OTOGL: variants seen among roughly 807,000 people sequenced by gnomAD.
OTOGL encodes otogelin like.
A neutral mutation model predicts 318.5 loss-of-function variants in OTOGL; 285 were observed. That is an observed-to-expected ratio of 0.89 (90% CI 0.81 to 0.99). OTOGL has a LOEUF of 0.99. Ranked by LOEUF, OTOGL falls within the 50% of genes least tolerant of loss-of-function variation. The probability of loss-of-function intolerance (pLI) is 0.00; values close to 1 mark genes in which losing one functional copy is unlikely to be tolerated. For missense variants in OTOGL, 2,899 were observed against 2,845.6 expected, an observed-to-expected ratio of 1.02 and a Z score of -0.43; for synonymous variants, 987 against 936.5, an observed-to-expected ratio of 1.05 and a Z score of -0.99.
chr12:80,344,159 G>A (rs1175982494), intron 44 of OTOGL, among the ~76,000 whole-genome samples: 1 of 152,164 alleles, frequency 6.6e-6, no homozygotes, highest in East Asian at 1.9e-4. Context: ...TAAAATGCAT[G>A]CACATAAACA....
intron 1 of OTOGL, among the ~76,000 whole-genome samples, chr12:80,142,158 C>A (rs1399645650): frequency 6.6e-6 from 1 of 152,058 alleles, no homozygotes; most frequent in Non-Finnish European, 1.5e-5. Context: ...TCAGCATTGT[C>A]CAATAAAAAC....
rs766814105 is a variant in OTOGL at position 80,310,736 on chromosome 12, ATACTT to A, written c.3450+12_3450+16del. The stretch of plus-strand genomic sequence containing the variant: ...CTTCTTGTCGCAATGTGGTAAATGA[ATACTT>A]TAATGAACTCTCGAGTTTCAATATG... On this transcript the variant is annotated intron_variant, in intron 30 of 58. Coordinates refer to ENST00000547103, the MANE Select transcript of OTOGL (RefSeq NM_001378609.3). The A allele has an allele frequency of 5.0e-5, 77 of 1,529,022 alleles. No individual in the cohort carries two copies. The Admixed American group carries it at 1.2e-3, about 24-fold the overall frequency. 94.7% of individuals were successfully genotyped at this position (1,529,022 alleles called of 1,614,324 possible).
intron 1 of OTOGL, among the ~76,000 whole-genome samples, chr12:80,135,277 CCCCTTCCCTT>C (rs767346954): frequency 4.3e-5 from 3 of 69,918 alleles, no homozygotes; most frequent in African/African-American, 1.4e-4. Flanking sequence ...CCCCTCCCCT[CCCCTTCCCTT>C]CCCTTGATGG....
At chr12:80,327,677 G>A (rs193170593) in intron 35 of OTOGL, among the ~76,000 whole-genome samples, 103 of 151,228 alleles carry the variant, frequency 6.8e-4, no homozygotes, top group Admixed American at 2.0e-3. Flanking sequence ...AGTGGAAAGC[G>A]GGCCGGGCAC....
At chr12:80,349,593 C>T (rs748571080) in intron 44 of OTOGL, among the ~76,000 whole-genome samples, 32 of 151,976 alleles carry the variant, frequency 2.1e-4, no homozygotes, top group Non-Finnish European at 3.5e-4. Flanking sequence ...AGCAAGTGGA[C>T]GTGCTAATGG....
At chr12:80,296,470 C>T (rs1332329866) in intron 26 of OTOGL, among the ~76,000 whole-genome samples, 1 of 152,042 alleles carries the variant, frequency 6.6e-6, no homozygotes, top group Non-Finnish European at 1.5e-5. Flanking sequence ...AAACAAAAGA[C>T]ATATCTCAAA....
intron 27 of OTOGL, among the ~76,000 whole-genome samples, chr12:80,299,847 T>C (rs1885644837): frequency 1.3e-5 from 2 of 152,188 alleles, no homozygotes; most frequent in Non-Finnish European, 2.9e-5. Context: ...ACTGTTCTAA[T>C]GAGAAGCATT....
intron 4 of OTOGL, 94 bp from the exon 5 acceptor site, chr12:80,217,504 G>A (rs917870914): frequency 4.8e-6 from 4 of 841,126 alleles, no homozygotes; most frequent in East Asian, 5.4e-5. Flanking sequence ...TATCATTTCT[G>A]TATTTGTAGT....
chr12:80,348,892 C>T (rs529929483), intron 44 of OTOGL, among the ~76,000 whole-genome samples: 67 of 152,234 alleles, frequency 4.4e-4, no homozygotes, highest in Non-Finnish European at 7.2e-4. Flanking sequence ...GGCTTCTCTT[C>T]ATCTTACTCA....
chr12:80,350,240 C>A (rs1261810297), intron 44 of OTOGL, among the ~76,000 whole-genome samples: 2 of 152,116 alleles, frequency 1.3e-5, no homozygotes, highest in Non-Finnish European at 1.5e-5. Flanking sequence ...GGATTTCATT[C>A]TTTTTAAAGT....
intron 1 of OTOGL, among the ~76,000 whole-genome samples, chr12:80,110,867 C>T (rs942060521): frequency 6.6e-6 from 1 of 152,204 alleles, no homozygotes; most frequent in African/African-American, 2.4e-5. Context: ...ACACTCCCAC[C>T]AACAGTGTAA....
At chr12:80,332,352 G>A (rs1157326152) in intron 37 of OTOGL, among the ~76,000 whole-genome samples, 1 of 152,156 alleles carries the variant, frequency 6.6e-6, no homozygotes, top group Non-Finnish European at 1.5e-5. Context: ...CGGGCACTGC[G>A]ATTATGGCTG....
chr12:80,358,642 A>G (rs1322808658), intron 50 of OTOGL, 29 bp from the exon 51 acceptor site: 4 of 1,516,004 alleles, frequency 2.6e-6, no homozygotes, highest in African/African-American at 1.4e-5. Context: ...TATAAAATTC[A>G]TCTTTACCCA....
chr12:80,318,821 G>T, intron 33 of OTOGL, 108 bp downstream of exon 33: 3 of 810,162 alleles, frequency 3.7e-6, no homozygotes, highest in Non-Finnish European at 5.0e-6. Context: ...TTTTTTAAAA[G>T]TGCTCTAAAG....
intron 1 of OTOGL, among the ~76,000 whole-genome samples, chr12:80,111,658 G>A (rs978430261): frequency 3.5e-4 from 53 of 152,194 alleles, no homozygotes; most frequent in Non-Finnish European, 1.2e-4. Flanking sequence ...CAGCCTTGTA[G>A]TGTAGTTTGA....
At position 80,356,048 on chromosome 12, in the gene OTOGL, A is replaced by C. The variant is rs534983907; in HGVS notation, c.5806+100A>C. On this transcript the variant is annotated intron_variant, in intron 47 of 58. Transcript: ENST00000547103. The stretch of plus-strand genomic sequence containing the variant: ...ATATAATGCTTTGTATTTTTAAAAA[A>C]GGGCCATAAATGTCATTTTCTCAAA... 1.4e-5 allele frequency: 18 copies of C among 1,298,916 alleles called. 1 individual carries two copies. The South Asian group carries it at 2.1e-4, about 15-fold the overall frequency. 80.5% of individuals were successfully genotyped at this position (1,298,916 alleles called of 1,614,324 possible). A position where few individuals can be genotyped will look rare whatever the true frequency, so the allele number is the denominator to read the frequency against.
At chr12:80,264,849 A>T (rs1351860113) in intron 19 of OTOGL, among the ~76,000 whole-genome samples, 152 bp from the exon 20 acceptor site, 5 of 151,518 alleles carry the variant, frequency 3.3e-5, no homozygotes, top group East Asian at 1.9e-4. Context: ...AATATTATAT[A>T]AAAAAAACAA....
At chr12:80,204,567 A>G (rs542540245) in intron 1 of OTOGL, among the ~76,000 whole-genome samples, 130 of 152,334 alleles carry the variant, frequency 8.5e-4, no homozygotes, top group African/African-American at 2.9e-3. Context: ...AAGAAAATAT[A>G]TAAAGTAACC....
intron 38 of OTOGL, among the ~76,000 whole-genome samples, chr12:80,334,740 T>C (rs1269343440): frequency 6.6e-6 from 1 of 152,156 alleles, no homozygotes; most frequent in Non-Finnish European, 1.5e-5. Context: ...GGTCTGAGAA[T>C]TGATCACTGG....
Sources: gnomAD v4.1 joint callset for allele counts (sites outside exome capture counted in the v4.1 genomes callset) on GRCh38, gnomAD v4.1.1 for gene constraint, MANE v1.5 for transcripts, NCBI Gene and HGNC (gene_info 2026-07-23, HGNC 2026-07-21) for gene names.